The following PTPRU variants were observed in gnomAD, a reference collection of about 807,000 sequenced individuals.
PTPRU encodes the protein protein tyrosine phosphatase receptor type U, also known as receptor-type tyrosine-protein phosphatase U.
In PTPRU, 69 loss-of-function variants were observed where a neutral mutation model predicts 166.3. That is an observed-to-expected ratio of 0.41 (90% CI 0.34 to 0.51). The LOEUF is 0.51. Among genes scored for constraint, PTPRU ranks in the 20% least tolerant of loss-of-function variants. The pLI is 0.09. For missense variants in PTPRU, 1,657 were observed against 2,013.7 expected (o/e 0.82, Z 3.39); for synonymous variants, 793 against 814.0 (o/e 0.97, Z 0.44).
Position 29,259,308 on chromosome 1 carries a change from C to T in PTPRU, c.525C>T (p.Gly175=), listed in dbSNP as rs757798795. 3.7e-6 allele frequency: 6 copies of T among 1,614,028 alleles called. No homozygotes were observed. The East Asian group carries it at 1.3e-4, about 36-fold the overall frequency. The change falls in exon 4 of 30, where the codon GGC becomes GGT. Residue 175 remains glycine (G), a synonymous_variant. Transcript: ENST00000373779. ...CCCCAGACCGCAGGGGCTACATGGG[C>T]CTAGATGACATCCTGCTTCTCAGCT... is the stretch of plus-strand genomic sequence containing the variant. The part of the protein sequence containing the change: ...LISPDRRGYM[G]LDDILLLSYP...
rs760559920 is a variant in PTPRU, at chr1:29,315,978, C to G, written c.3364-24C>G. 1.1e-5 allele frequency: 17 copies of G among 1,613,164 alleles called. No homozygotes were observed. The highest frequency in any genetic ancestry group is 1.3e-5 in the African/African-American group (1 of 74,904). ...CTCCAGCTTCTAGGCCCCTCCTCGGCCTCATTCTCATCTCCTGTTCCAGGA... is the reference window on the plus strand; with the variant it reads ...CTCCAGCTTCTAGGCCCCTCCTCGGGCTCATTCTCATCTCCTGTTCCAGGA... On this transcript the variant is annotated intron_variant, in intron 23 of 29. Transcript: ENST00000373779. This position sits in a 1 kb window ranked among gnomAD's most constrained non-coding sequence, Gnocchi z 4.5.
chr1:29,313,961 G>A (rs1238695223), intron 22 of PTPRU, among the ~76,000 whole-genome samples: 1 of 152,160 alleles, frequency 6.6e-6, no homozygotes, highest in African/African-American at 2.4e-5. Flanking sequence ...CCCAGTCCCA[G>A]AGAAATCACT....
Position 29,320,772 on chromosome 1 carries a change from G to A in PTPRU, c.3775G>A (p.Gly1259Arg), listed in dbSNP as rs754644904. ...PDFWRLVYDY[G>R]CTSIVMLNQL... ...CTTCTGGCGGCTGGTCTACGATTAC[G>A]GGTGCACCTCCATCGTCATGCTCAA... Residue 1259 changes from glycine (G) to arginine (R), a missense_variant, in exon 26 of 30, where the codon GGG (glycine) becomes AGG (arginine). By Grantham distance (125) the Gly-to-Arg change is moderately radical. This residue lies in a region of PTPRU where 1,190 missense variants were observed against 1,477.4 expected (regional missense o/e 0.81). Transcript: ENST00000373779. This position sits in a 1 kb window ranked among gnomAD's most constrained non-coding sequence, Gnocchi z 5.2. The A allele has an allele frequency of 8.1e-6, 13 of 1,607,320 alleles. No homozygotes were observed. The highest frequency in any genetic ancestry group is 2.7e-5 in the African/African-American group (2 of 74,826).
chr1:29,246,171 C>G (rs566585015), intron 1 of PTPRU, among the ~76,000 whole-genome samples: 1 of 152,384 alleles, frequency 6.6e-6, no homozygotes, highest in African/African-American at 2.4e-5. Context: ...TGCATGTGCA[C>G]TGCTTTGCTG....
At position 29,300,551 on chromosome 1, in the gene PTPRU, C is replaced by T. The variant is rs1010679443; in HGVS notation, c.2477-3304C>T. Among the ~76,000 whole-genome samples, 8 of 152,190 alleles carry T rather than the reference C, an allele frequency of 5.3e-5. No individual in the cohort carries two copies. In the East Asian group the frequency reaches 1.5e-3, roughly 29 times the overall value. ...ACACTTTGGCAACCACCAAATTAGG[C>T]CAGTCTTTTCTCTTTGGACCTCAGT... is the stretch of plus-strand genomic sequence containing the variant. On this transcript the variant is annotated intron_variant, in intron 15 of 29. Coordinates refer to ENST00000373779, the MANE Select transcript of PTPRU (RefSeq NM_133178.4).
Position 29,257,612 on chromosome 1 carries a change from G to A in PTPRU, c.206-893G>A, listed in dbSNP as rs898634410. On this transcript the variant is annotated intron_variant, in intron 2 of 29. Coordinates refer to ENST00000373779, the MANE Select transcript of PTPRU (RefSeq NM_133178.4). The surrounding 1 kb of genome is among the most constrained non-coding windows in gnomAD (Gnocchi z 4.6). ...GCCTTTCTCCAGGTTGGAAGTCAAG[G>A]GGATTTGTATTCCAGGAATTTAGAC... 6.6e-6 allele frequency among the ~76,000 whole-genome samples: 1 copy of A among 152,210 alleles called. No individual in the cohort carries two copies. Among genetic ancestry groups the A allele is most frequent in the Non-Finnish European group, 1.5e-5 (1 of 68,044 alleles).
intron 4 of PTPRU, 37 bp downstream of exon 4, chr1:29,259,379 G>A (rs1247652408): frequency 6.2e-7 from 1 of 1,611,172 alleles, no homozygotes; most frequent in Non-Finnish European, 8.5e-7. Context: ...GGGGTAAGGG[G>A]TGTGGGCGGC....
intron 15 of PTPRU, among the ~76,000 whole-genome samples, chr1:29,299,702 G>T (rs1408171128): frequency 1.3e-5 from 2 of 152,148 alleles, no homozygotes; most frequent in East Asian, 3.9e-4. Context: ...ACCCTCATTT[G>T]CTCCTTTCTC....
Position 29,275,758 on chromosome 1 carries a change from T to G in PTPRU, c.1453+2T>G. On this transcript the variant is annotated splice_donor_variant, in intron 8 of 29. Transcript: ENST00000373779. LOFTEE classifies it high-confidence loss of function. ...TCACTTTCCAGACGGATGAGGATGGTAAGAGTCTCAGTCCCAATTCCCGGG... is the reference window on the plus strand; with the variant it reads ...TCACTTTCCAGACGGATGAGGATGGGAAGAGTCTCAGTCCCAATTCCCGGG... 1 of 1,612,772 alleles carries G rather than the reference T, an allele frequency of 6.2e-7. No individual in the cohort carries two copies. The highest frequency in any genetic ancestry group is 8.5e-7 in the Non-Finnish European group (1 of 1,178,930).
Position 29,284,776 on chromosome 1 carries a change from C to T in PTPRU, c.2225C>T (p.Ser742Leu), listed in dbSNP as rs770336069. The T allele has an allele frequency of 1.5e-5, 25 of 1,613,932 alleles. No individual in the cohort carries two copies. Among genetic ancestry groups the T allele is most frequent in the South Asian group, 1.2e-4 (11 of 91,084 alleles). Residue 742 changes from serine (S) to leucine (L), a missense_variant, in exon 14 of 30, where the codon TCG becomes TTG. Transcript: ENST00000373779. Reference protein sequence around the residue: ...SKRPLEVSQRSEEMGLILGIC... With the variant: ...SKRPLEVSQRLEEMGLILGIC... ...CGGCCCCTGGAGGTGTCCCAGAGATCGGAGGAGATGGGGCTTATCCTGGGC... is the reference window on the plus strand; with the variant it reads ...CGGCCCCTGGAGGTGTCCCAGAGATTGGAGGAGATGGGGCTTATCCTGGGC...
At chr1:29,285,477 A>C (rs570554329) in intron 14 of PTPRU, among the ~76,000 whole-genome samples, 1 of 152,130 alleles carries the variant, frequency 6.6e-6, no homozygotes, top group South Asian at 2.1e-4. Flanking sequence ...CTGTGTTTGC[A>C]TGAAATGTGT....
chr1:29,283,876 T>G (rs929915826), intron 12 of PTPRU, 64 bp from the exon 13 acceptor site: 1 of 1,595,156 alleles, frequency 6.3e-7, no homozygotes, highest in African/African-American at 1.3e-5. Context: ...TGTCTGAGGT[T>G]CCCACCCTGG....
intron 1 of PTPRU, among the ~76,000 whole-genome samples, chr1:29,242,720 G>A (rs1366474983): frequency 2.0e-5 from 3 of 152,092 alleles, no homozygotes; most frequent in Non-Finnish European, 4.4e-5. Flanking sequence ...CACCTTCAGT[G>A]AGTCCTGGGC....
chr1:29,304,686 C>T, intron 16 of PTPRU, 88 bp from the exon 17 acceptor site: 1 of 999,606 alleles, frequency 1.0e-6, no homozygotes, highest in Admixed American at 2.4e-5. Flanking sequence ...ATCCCACCCC[C>T]ATCCTGCCTA....
At position 29,238,173 on chromosome 1, in the gene PTPRU, C is replaced by T. The variant is rs1558538625; in HGVS notation, c.73+1456C>T. Among the ~76,000 whole-genome samples the T allele has an allele frequency of 6.6e-6, 1 of 151,832 alleles. No homozygotes were observed. Among genetic ancestry groups the T allele is most frequent in the Non-Finnish European group, 1.5e-5 (1 of 67,912 alleles). On this transcript the variant is annotated intron_variant, in intron 1 of 29. Coordinates refer to ENST00000373779, the MANE Select transcript of PTPRU (RefSeq NM_133178.4). This position sits in a 1 kb window ranked among gnomAD's most constrained non-coding sequence, Gnocchi z 6.1. ...GTCTGGTGTCTTTGGTGTGCGTGCG[C>T]GTGTGTGTGTGCGCGCAGCTGAATG...
rs550075108 is a variant in PTPRU, at chr1:29,249,624, G to A, written c.74-5651G>A. Reference sequence around the variant, plus strand: ...GGGGCTCAGGGCATATGTGTGTTGTGTGCTGTGCACCTCTCTGAGTGTGAT... The same window carrying A: ...GGGGCTCAGGGCATATGTGTGTTGTATGCTGTGCACCTCTCTGAGTGTGAT... On this transcript the variant is annotated intron_variant, in intron 1 of 29. Coordinates refer to ENST00000373779, the MANE Select transcript of PTPRU (RefSeq NM_133178.4). Among the ~76,000 whole-genome samples, 102 of 152,306 alleles carry A rather than the reference G, an allele frequency of 6.7e-4. 1 individual carries two copies. The highest frequency in any genetic ancestry group is 2.4e-3 in the African/African-American group (98 of 41,572).
chr1:29,317,759 G>A lies in PTPRU; in HGVS notation c.3525G>A (p.Ser1175=), dbSNP rs2235941. ...CCCGCTCCCTGTAGACGCTGAACTCGGTCACCCCGCCGCTGGACGTGGAGG... is the reference window on the plus strand; with the variant it reads ...CCCGCTCCCTGTAGACGCTGAACTCAGTCACCCCGCCGCTGGACGTGGAGG... ...QLREEFQTLN[S]VTPPLDVEEC... The change falls in exon 25 of 30, where the codon TCG becomes TCA. Residue 1175 remains serine (S), a synonymous_variant. Transcript: ENST00000373779. This position sits in a 1 kb window ranked among gnomAD's most constrained non-coding sequence, Gnocchi z 5.6. 6.2e-7 allele frequency: 1 copy of A among 1,608,786 alleles called. No homozygotes were observed. Among genetic ancestry groups the A allele is most frequent in the Non-Finnish European group, 8.5e-7 (1 of 1,179,542 alleles).
At chr1:29,270,408 G>C (rs1266163140) in intron 7 of PTPRU, among the ~76,000 whole-genome samples, 2 of 152,108 alleles carry the variant, frequency 1.3e-5, no homozygotes, top group Admixed American at 1.3e-4. Flanking sequence ...CCGGGCTGAA[G>C]CTATTCACCC....
rs115945321 is a variant in PTPRU, at chr1:29,260,851, C to T, written c.1092C>T (p.Asp364=). ...EISVLLTRPG[D]GGTGRPGPPL... ...GCGTGCTGCTCACGCGTCCCGGAGA[C>T]GGCGGCACTGGCCGCCCTGGGCCAC... Residue 364 remains aspartate, a synonymous_variant, in exon 7 of 30, where the codon GAC becomes GAT. Coordinates refer to ENST00000373779, the MANE Select transcript of PTPRU (RefSeq NM_133178.4). The surrounding 1 kb of genome is among the most constrained non-coding windows in gnomAD (Gnocchi z 8.3). 4.6e-3 allele frequency: 7,324 copies of T among 1,606,168 alleles called. 189 individuals carry two copies. The Admixed American group carries it at 0.057, about 12-fold the overall frequency.
Sources: gnomAD v4.1 joint callset for allele counts (sites outside exome capture counted in the v4.1 genomes callset) on GRCh38, gnomAD v4.1.1 for gene constraint, gnomAD v4.1.1 regional missense constraint, Gnocchi (gnomAD v3.1) non-coding constraint, MANE v1.5 for transcripts, NCBI Gene and HGNC (gene_info 2026-07-23, HGNC 2026-07-21) for gene names.